The following UST variants were observed in gnomAD, a reference collection of about 807,000 sequenced individuals.
UST encodes the protein uronyl 2-sulfotransferase, also known as chondroitin sulfate 2-O-sulfotransferase.
In UST, 21 loss-of-function variants were observed where a neutral mutation model predicts 45.6. The observed-to-expected ratio is 0.46, with a 90% CI of 0.33 to 0.66. The LOEUF is 0.66. Ranked by LOEUF, UST falls within the 30% of genes least tolerant of loss-of-function variation. UST has a pLI of 0.02. For synonymous variants in UST, 215 were observed against 200.6 expected, an observed-to-expected ratio of 1.07 and a Z score of -0.61; for missense variants, 463 against 512.4, an observed-to-expected ratio of 0.90 and a Z score of 0.93.
chr6:148,935,210 G>A (rs143188248), intron 2 of UST, among the ~76,000 whole-genome samples: 38 of 152,298 alleles, frequency 2.5e-4, no homozygotes, highest in African/African-American at 8.4e-4. Context: ...TGTGGCATTT[G>A]CAGAACTTAC....
At chr6:148,860,427 C>T (rs1292321174) in intron 1 of UST, among the ~76,000 whole-genome samples, 2 of 152,186 alleles carry the variant, frequency 1.3e-5, no homozygotes, top group African/African-American at 4.8e-5. Context: ...AATATACAGT[C>T]ATGTCATCTG....
intron 1 of UST, among the ~76,000 whole-genome samples, chr6:148,769,165 A>G (rs1776373052): frequency 6.6e-6 from 1 of 152,232 alleles, no homozygotes; most frequent in Non-Finnish European, 1.5e-5. Flanking sequence ...GCTCCTCAAC[A>G]ACAGCCTGGC....
rs141629082 is a variant in UST, at chr6:148,859,096, C to T, written c.248-27890C>T. Among the ~76,000 whole-genome samples, 545 of 152,330 alleles carry T rather than the reference C, an allele frequency of 3.6e-3. 5 individuals carry two copies. Among genetic ancestry groups the T allele is most frequent in the African/African-American group, 0.013 (522 of 41,580 alleles). ...CACACTGTCTTCCACAATGGTTGAA[C>T]TAGTTTACAGTCCTACCAACAGTGT... On this transcript the variant is annotated intron_variant, in intron 1 of 7. Transcript: ENST00000367463.
chr6:148,864,207 G>C (rs1778378727), intron 1 of UST, among the ~76,000 whole-genome samples: 1 of 152,228 alleles, frequency 6.6e-6, no homozygotes, highest in African/African-American at 2.4e-5. Flanking sequence ...GCAATGGCAG[G>C]CGCCCCTCCC....
At chr6:148,756,091 G>A (rs1377762645) in intron 1 of UST, among the ~76,000 whole-genome samples, 1 of 147,024 alleles carries the variant, frequency 6.8e-6, no homozygotes, top group East Asian at 2.0e-4. Flanking sequence ...CCACCTATGA[G>A]TGAGAACATG....
rs1042037765 is a variant in UST at position 149,076,182 on chromosome 6, T to C, written c.*2066T>C. ...TTCAGAGAGACCAGGGCCCTACCAT[T>C]AGGCATACTTTCAGAAGCAACCTGG... On this transcript the variant is annotated 3_prime_UTR_variant, in exon 8 of 8. Transcript: ENST00000367463. 6.6e-6 allele frequency: 1 copy of C among 152,244 alleles called. No homozygotes were observed. Among genetic ancestry groups the C allele is most frequent in the Non-Finnish European group, 1.5e-5 (1 of 68,054 alleles). The allele number at this position is 152,244 out of a possible 1,614,324, so 9.4% of individuals were successfully genotyped here.
chr6:148,940,241 C>T (rs942016441), intron 2 of UST, among the ~76,000 whole-genome samples: 3 of 152,016 alleles, frequency 2.0e-5, no homozygotes, highest in African/African-American at 7.2e-5. Flanking sequence ...AATCCCAGCA[C>T]TTTGGGAGGC....
At chr6:148,994,366 A>T (rs1781410273) in intron 5 of UST, among the ~76,000 whole-genome samples, 1 of 152,178 alleles carries the variant, frequency 6.6e-6, no homozygotes, top group African/African-American at 2.4e-5. Flanking sequence ...TTAATGAAAA[A>T]CAATTTATTC....
At chr6:148,961,137 TA>T (rs745891896) in intron 4 of UST, among the ~76,000 whole-genome samples, 4 of 152,136 alleles carry the variant, frequency 2.6e-5, no homozygotes, top group African/African-American at 4.8e-5. Context: ...AGTAAAAATT[TA>T]AAAAATACGA....
intron 5 of UST, among the ~76,000 whole-genome samples, chr6:148,993,848 C>T (rs1310111526): frequency 6.6e-6 from 1 of 152,028 alleles, no homozygotes; most frequent in Non-Finnish European, 1.5e-5. Flanking sequence ...TGAGGCCTCC[C>T]TAGAAGCTGA....
intron 7 of UST, among the ~76,000 whole-genome samples, chr6:149,048,434 G>A (rs970325024): frequency 5.9e-5 from 9 of 151,746 alleles, no homozygotes; most frequent in East Asian, 1.9e-4. Flanking sequence ...TACTCAGGAC[G>A]CTGAGGCAGG....
chr6:148,762,862 G>C (rs1776247112), intron 1 of UST, among the ~76,000 whole-genome samples: 1 of 152,082 alleles, frequency 6.6e-6, no homozygotes, highest in African/African-American at 2.4e-5. Context: ...TGCTGCAAAA[G>C]ACATCTGTAT....
intron 1 of UST, among the ~76,000 whole-genome samples, chr6:148,838,194 A>G (rs997899997): frequency 3.3e-5 from 5 of 152,146 alleles, no homozygotes; most frequent in African/African-American, 1.2e-4. Flanking sequence ...TGGGCGAAGG[A>G]GCCAGCCACA....
chr6:149,007,598 ATTT>A (rs1775739142), intron 5 of UST, among the ~76,000 whole-genome samples: 1 of 130,658 alleles, frequency 7.7e-6, no homozygotes, highest in African/African-American at 3.0e-5. Flanking sequence ...TTTTTTTTGT[ATTT>A]TTAGTAGAGA....
At chr6:148,870,274 A>C (rs1321162925) in intron 1 of UST, among the ~76,000 whole-genome samples, 2 of 152,148 alleles carry the variant, frequency 1.3e-5, no homozygotes, top group African/African-American at 4.8e-5. Flanking sequence ...TTTCCTGTGA[A>C]GGGTGAGAGT....
At chr6:148,893,412 GT>G (rs1265598726) in intron 2 of UST, among the ~76,000 whole-genome samples, 3 of 152,272 alleles carry the variant, frequency 2.0e-5, no homozygotes, top group Non-Finnish European at 4.4e-5. Flanking sequence ...AGTATTGATT[GT>G]TTAATGCCTA....
intron 5 of UST, among the ~76,000 whole-genome samples, chr6:149,013,610 T>C (rs1775851848): frequency 6.6e-6 from 1 of 152,184 alleles, no homozygotes; most frequent in South Asian, 2.1e-4. Context: ...TGAGAGAAAC[T>C]GAGGCTCAGA....
At chr6:148,793,352 A>G (rs12195841) in intron 1 of UST, among the ~76,000 whole-genome samples, 30,338 of 152,170 alleles carry the variant, frequency 0.2, 3,775 homozygotes, top group Admixed American at 0.26. Flanking sequence ...CATAAGTGAC[A>G]GCTTACTGAA....
intron 1 of UST, among the ~76,000 whole-genome samples, chr6:148,764,917 G>C (rs1327202522): frequency 6.6e-6 from 1 of 152,182 alleles, no homozygotes; most frequent in Non-Finnish European, 1.5e-5. Flanking sequence ...TGCTGCAGGA[G>C]ACTAGGGTGT....
Sources: gnomAD v4.1 joint callset for allele counts (sites outside exome capture counted in the v4.1 genomes callset) on GRCh38, gnomAD v4.1.1 for gene constraint, MANE v1.5 for transcripts, NCBI Gene and HGNC (gene_info 2026-07-23, HGNC 2026-07-21) for gene names.